The following LUC7L variants were observed in gnomAD, a reference collection of about 807,000 sequenced individuals.
LUC7L encodes the protein putative RNA-binding protein Luc7-like 1.
LUC7L carries 29 observed loss-of-function variants against 51.1 expected under a neutral mutation model. The observed-to-expected ratio is 0.57, with a 90% CI of 0.42 to 0.77. The LOEUF is 0.77. LUC7L is among the 30% of genes least tolerant of loss of function. LUC7L has a pLI of 0.00. For missense variants in LUC7L, 403 were observed against 511.9 expected (o/e 0.79, Z 2.05); for synonymous variants, 181 against 180.7 (o/e 1.00, Z -0.01).
At chr16:215,841 C>G (rs953214720) in intron 3 of LUC7L, among the ~76,000 whole-genome samples, 2 of 152,004 alleles carry the variant, frequency 1.3e-5, no homozygotes, top group Non-Finnish European at 2.9e-5. Flanking sequence ...ACAGATCACT[C>G]TCCCACAACA....
chr16:221,675 C>T (rs562073094), intron 2 of LUC7L, among the ~76,000 whole-genome samples: 1 of 151,762 alleles, frequency 6.6e-6, no homozygotes, highest in African/African-American at 2.4e-5. Context: ...TGCACTCCAG[C>T]CTGGGTGATA....
chr16:198,056 CAGG>C (rs532774629), intron 6 of LUC7L, among the ~76,000 whole-genome samples: 1 of 151,908 alleles, frequency 6.6e-6, no homozygotes, highest in Non-Finnish European at 1.5e-5. Flanking sequence ...ATCGCGAGGT[CAGG>C]AGATCGAGAC....
chr16:211,291 A>G (rs1293185958), intron 3 of LUC7L, among the ~76,000 whole-genome samples: 1 of 152,176 alleles, frequency 6.6e-6, no homozygotes, highest in Non-Finnish European at 1.5e-5. Context: ...GGTGGGAAAC[A>G]CTAAAAGAAC....
intron 1 of LUC7L, 158 bp from the exon 2 acceptor site, chr16:227,494 G>T: frequency 6.9e-7 from 1 of 1,447,700 alleles, no homozygotes; most frequent in Non-Finnish European, 9.1e-7. Context: ...TTTACAACTG[G>T]AGTGGAATAC....
At chr16:193,488 T>C (rs2049067088) in intron 6 of LUC7L, among the ~76,000 whole-genome samples, 1 of 151,846 alleles carries the variant, frequency 6.6e-6, no homozygotes, top group African/African-American at 2.4e-5. Flanking sequence ...AGATAACACA[T>C]GAAAAAATGC....
chr16:194,397 C>T (rs1389989717), intron 6 of LUC7L, among the ~76,000 whole-genome samples: 2 of 152,190 alleles, frequency 1.3e-5, no homozygotes, highest in African/African-American at 2.4e-5. Context: ...CTGAACCACC[C>T]AGCCTATCAT....
At chr16:216,173 C>T (rs11644599) in intron 3 of LUC7L, among the ~76,000 whole-genome samples, 1 of 149,630 alleles carries the variant, frequency 6.7e-6, no homozygotes, top group Non-Finnish European at 1.5e-5. Context: ...GGCTAATTTT[C>T]AATTTTTAAT....
chr16:228,645 T>C, intron 1 of LUC7L: 21 of 1,182,458 alleles, frequency 1.8e-5, no homozygotes, highest in Non-Finnish European at 2.2e-5. Context: ...ATGCAACCGC[T>C]TTCTCCTGTG....
chr16:211,700 C>T (rs1450441739), intron 3 of LUC7L, among the ~76,000 whole-genome samples: 3 of 151,744 alleles, frequency 2.0e-5, no homozygotes, highest in African/African-American at 7.2e-5. Context: ...CTCTCTATCT[C>T]TGAGTAGCGT....
intron 3 of LUC7L, among the ~76,000 whole-genome samples, chr16:218,810 C>G (rs1428037543): frequency 6.6e-6 from 1 of 151,350 alleles, no homozygotes; most frequent in African/African-American, 2.4e-5. Flanking sequence ...AATTTACTGG[C>G]CAGGCATAGT....
Position 206,019 on chromosome 16 carries a change from C to T in LUC7L, c.495G>A (p.Lys165=). 1 of 1,610,688 alleles carries T rather than the reference C, an allele frequency of 6.2e-7. No individual in the cohort carries two copies. The highest frequency in any genetic ancestry group is 8.5e-7 in the Non-Finnish European group (1 of 1,179,204). The change falls in exon 5 of 10, where the codon AAG becomes AAA. Residue 165 remains lysine, a synonymous_variant. Transcript: ENST00000293872. ...TCTCACCAACCTCAGCTTCTTTTTT[C>T]TTCGCACGAACTTTTTCCACTTCCA... The part of the protein sequence containing the change: ...ILMEVEKVRA[K]KKEAEEEYRN...
chr16:196,940 C>G (rs545779230), intron 6 of LUC7L, among the ~76,000 whole-genome samples: 1 of 143,926 alleles, frequency 6.9e-6, no homozygotes, highest in South Asian at 2.2e-4. Flanking sequence ...CAGAGTCTCG[C>G]TCTGTCGCCC....
At position 190,156 on chromosome 16, in the gene LUC7L, A is replaced by G. The variant is rs940915537; in HGVS notation, c.807-21T>C. On this transcript the variant is annotated intron_variant, in intron 8 of 9. Transcript: ENST00000293872. The stretch of plus-strand genomic sequence containing the variant: ...GTGACCTGAACAATCAGAAGGCTCC[A>G]AGGCTGAGACTCTATAGGTGCCAAC... The G allele has an allele frequency of 3.7e-6, 6 of 1,601,916 alleles. No homozygotes were observed. The African/African-American group carries it at 6.7e-5, about 18-fold the overall frequency.
chr16:217,575 T>G (rs116686058), intron 3 of LUC7L, among the ~76,000 whole-genome samples: 1 of 151,076 alleles, frequency 6.6e-6, no homozygotes, highest in Non-Finnish European at 1.5e-5. Flanking sequence ...GGCGTAGCGA[T>G]GTGCACCTGT....
At chr16:222,999 T>C (rs1183940528) in intron 2 of LUC7L, among the ~76,000 whole-genome samples, 7 of 146,490 alleles carry the variant, frequency 4.8e-5, no homozygotes, top group Non-Finnish European at 9.1e-5. Context: ...CTTTAATCCA[T>C]CTTGAGGGGG....
intron 6 of LUC7L, among the ~76,000 whole-genome samples, chr16:198,355 G>A (rs2049220684): frequency 6.6e-6 from 1 of 151,350 alleles, no homozygotes; most frequent in Non-Finnish European, 1.5e-5. Context: ...GTTTTCTCTG[G>A]GCTGGGATGG....
intron 7 of LUC7L, among the ~76,000 whole-genome samples, chr16:191,793 C>T (rs1194543513): frequency 1.3e-5 from 2 of 152,152 alleles, no homozygotes; most frequent in Non-Finnish European, 2.9e-5. Context: ...TGCAGTGAGC[C>T]GATATCGCAC....
intron 3 of LUC7L, among the ~76,000 whole-genome samples, chr16:216,632 G>A (rs1448106349): frequency 2.0e-5 from 3 of 151,528 alleles, no homozygotes; most frequent in South Asian, 2.1e-4. Context: ...TGCCCGCCTC[G>A]GCCTCCCGAA....
intron 2 of LUC7L, among the ~76,000 whole-genome samples, chr16:222,950 T>TA (rs1567193203): frequency 2.1e-5 from 3 of 142,530 alleles, no homozygotes; most frequent in African/African-American, 7.9e-5. Context: ...ACCCCGTCTT[T>TA]TAAAAAAAAA....
Sources: gnomAD v4.1 joint callset for allele counts (sites outside exome capture counted in the v4.1 genomes callset) on GRCh38, gnomAD v4.1.1 for gene constraint, MANE v1.5 for transcripts, NCBI Gene and HGNC (gene_info 2026-07-23, HGNC 2026-07-21) for gene names.